SMG6: variants seen among roughly 807,000 people sequenced by gnomAD.
SMG6 encodes telomerase-binding protein EST1A.
A neutral mutation model predicts 142.2 loss-of-function variants in SMG6; 66 were observed. That is an observed-to-expected ratio of 0.46 (90% CI 0.38 to 0.57). SMG6 has a LOEUF of 0.57. Among genes scored for constraint, SMG6 ranks in the 20% least tolerant of loss-of-function variants. SMG6 has a pLI of 0.00. For synonymous variants in SMG6, 779 were observed against 702.4 expected (o/e 1.11, Z -1.72); for missense variants, 1,793 against 1,832.0 (o/e 0.98, Z 0.39).
At chr17:2,124,044 C>T (rs544405191) in intron 13 of SMG6, among the ~76,000 whole-genome samples, 168 of 152,290 alleles carry the variant, frequency 1.1e-3, no homozygotes, top group African/African-American at 4.0e-3. Flanking sequence ...CAAGGCTCCA[C>T]CCAAATCAGA....
intron 13 of SMG6, among the ~76,000 whole-genome samples, chr17:2,112,121 A>AG (rs1334864515): frequency 6.6e-6 from 1 of 151,988 alleles, no homozygotes; most frequent in African/African-American, 2.4e-5. Flanking sequence ...AGTCTTCATT[A>AG]GGCCTAACTC....
intron 10 of SMG6, among the ~76,000 whole-genome samples, chr17:2,235,428 A>G (rs2151803241): frequency 6.6e-6 from 1 of 152,258 alleles, no homozygotes; most frequent in African/African-American, 2.4e-5. Flanking sequence ...TCACTCCCCC[A>G]CCACAACCAA....
At chr17:2,264,327 C>T (rs2074376961) in intron 8 of SMG6, among the ~76,000 whole-genome samples, 1 of 152,210 alleles carries the variant, frequency 6.6e-6, no homozygotes, top group African/African-American at 2.4e-5. Flanking sequence ...CTGGAAAATT[C>T]TCTAATGCCA....
At chr17:2,288,175 G>T (rs1282833354) in intron 6 of SMG6, among the ~76,000 whole-genome samples, 1 of 152,078 alleles carries the variant, frequency 6.6e-6, no homozygotes, top group African/African-American at 2.4e-5. Context: ...TTAGCCAGGC[G>T]TGGTGGTATA....
chr17:2,065,288 G>A (rs1171441551), intron 17 of SMG6, 134 bp from the exon 18 acceptor site: 41 of 989,860 alleles, frequency 4.1e-5, no homozygotes, highest in Non-Finnish European at 4.7e-6. Context: ...CGCTGGCCCT[G>A]CCTGGCCTGA....
chr17:2,255,273 G>A (rs1030059561), intron 8 of SMG6, among the ~76,000 whole-genome samples: 23 of 150,784 alleles, frequency 1.5e-4, no homozygotes, highest in Non-Finnish European at 1.9e-4. Flanking sequence ...GCGTGGTGGC[G>A]GGCGCCTGTA....
intron 10 of SMG6, among the ~76,000 whole-genome samples, chr17:2,221,093 T>C (rs1318415725): frequency 6.6e-6 from 1 of 152,176 alleles, no homozygotes; most frequent in Non-Finnish European, 1.5e-5. Flanking sequence ...GGACTGAACT[T>C]ACGCTGTTCT....
intron 13 of SMG6, among the ~76,000 whole-genome samples, chr17:2,119,147 T>A (rs1306840877): frequency 1.3e-5 from 2 of 151,262 alleles, no homozygotes; most frequent in East Asian, 3.9e-4. Context: ...AACCTCCGTC[T>A]CCCGGGTTCA....
intron 13 of SMG6, among the ~76,000 whole-genome samples, chr17:2,129,793 CAAAAAAAAAAA>C (rs57556112): frequency 7.1e-5 from 4 of 56,332 alleles, no homozygotes; most frequent in South Asian, 6.9e-4. Context: ...GGCTCTGTCT[CAAAAAAAAAAA>C]AAAAAAAAAA....
In SMG6 at chr17:2,300,631, C is replaced by T. The variant is rs779149067; in HGVS notation, c.122G>A (p.Arg41His). The change falls in exon 2 of 19, where the codon CGC becomes CAC. Residue 41 changes from arginine to histidine, a missense_variant. Arg to His is a conservative substitution (Grantham distance 29, BLOSUM62 0). This residue lies in a region of SMG6 where 1,597 missense variants were observed against 1,584.6 expected (regional missense o/e 1.01). Transcript: ENST00000263073. ...CAGATCTGGACGCCTGTTATCTTTG[C>T]GCGGCCTGGCCTCCTTTAATTCCTT... ...NMKELKEARP[R>H]KDNRRPDLEI... 7 of 1,604,134 alleles carry T rather than the reference C, an allele frequency of 4.4e-6. No homozygotes were observed. The African/African-American group carries it at 6.8e-5, about 15-fold the overall frequency.
At chr17:2,205,311 C>T (rs980014622) in intron 10 of SMG6, among the ~76,000 whole-genome samples, 3 of 152,074 alleles carry the variant, frequency 2.0e-5, no homozygotes, top group Non-Finnish European at 4.4e-5. Flanking sequence ...TCAAGTGATC[C>T]GTCCATCTTG....
chr17:2,236,991 C>T (rs576043792), intron 9 of SMG6: 2 of 275,092 alleles, frequency 7.3e-6, no homozygotes, highest in African/African-American at 2.3e-5. Context: ...TTTCTAAATA[C>T]TCAACAAATT....
In SMG6 at chr17:2,129,793, C is replaced by CAAAAA. The variant is rs57556112; in HGVS notation, c.3357+42860_3357+42864dup. On this transcript the variant is annotated intron_variant, in intron 13 of 18. Transcript: ENST00000263073. ...TGGGTGACAGAGCAAGGCTCTGTCT[C>CAAAAA]AAAAAAAAAAAAAAAAAAAAAAAAA... Among the ~76,000 whole-genome samples the CAAAAA allele has an allele frequency of 1.9e-3, 109 of 56,326 alleles. 11 individuals carry two copies. Among genetic ancestry groups the CAAAAA allele is most frequent in the Non-Finnish European group, 2.7e-3 (81 of 30,446 alleles). 37.0% of individuals were successfully genotyped at this position (56,326 alleles called of 152,430 possible).
chr17:2,217,276 A>C lies in SMG6; in HGVS notation c.2869+19216T>G, dbSNP rs1314644247. On this transcript the variant is annotated intron_variant, in intron 10 of 18. Transcript: ENST00000263073. ...AGTATTGTGATAATTTCAGAAAACT[A>C]CAAAAATACAGAGAAAAAAGAAAAT... 3.9e-5 allele frequency among the ~76,000 whole-genome samples: 6 copies of C among 152,272 alleles called. No individual in the cohort carries two copies. The East Asian group carries it at 1.2e-3, about 29-fold the overall frequency.
intron 12 of SMG6, among the ~76,000 whole-genome samples, chr17:2,177,346 C>G (rs1215568652): frequency 6.6e-6 from 1 of 152,164 alleles, no homozygotes; most frequent in East Asian, 1.9e-4. Context: ...GGGAAGGAGT[C>G]AGGCAGGACT....
Position 2,299,701 on chromosome 17 carries a change from C to T in SMG6, c.1052G>A (p.Arg351His), listed in dbSNP as rs140472144. Residue 351 changes from arginine to histidine, a missense_variant, in exon 2 of 19, where the codon CGT (arginine) becomes CAT (histidine). Physicochemically the swap from Arg to His is conservative, Grantham distance 29 (BLOSUM62 0). Coordinates refer to ENST00000263073, the MANE Select transcript of SMG6 (RefSeq NM_017575.5). This position sits in a 1 kb window ranked among gnomAD's most constrained non-coding sequence, Gnocchi z 4.3. Reference protein sequence around the residue: ...NSAKEYRGTLRVTFDAEAMNK... With the variant: ...NSAKEYRGTLHVTFDAEAMNK... Reference sequence around the variant, plus strand: ...CATGGCTTCTGCATCGAAAGTGACACGAAGAGTGCCTCGATATTCTTTAGC... The same window carrying T: ...CATGGCTTCTGCATCGAAAGTGACATGAAGAGTGCCTCGATATTCTTTAGC... 5.5e-5 allele frequency: 88 copies of T among 1,614,200 alleles called. No individual in the cohort carries two copies. The highest frequency in any genetic ancestry group is 1.6e-4 in the Middle Eastern group (1 of 6,062).
chr17:2,189,455 C>T (rs187079927), intron 10 of SMG6, among the ~76,000 whole-genome samples: 80 of 152,322 alleles, frequency 5.3e-4, no homozygotes, highest in Non-Finnish European at 7.9e-4. Flanking sequence ...GAGGAGGAGA[C>T]ACCACATACC....
chr17:2,149,349 C>CAAAAA (rs1178295829), intron 13 of SMG6, among the ~76,000 whole-genome samples: 12 of 71,092 alleles, frequency 1.7e-4, no homozygotes, highest in African/African-American at 4.5e-4. Context: ...GATTCCCCCT[C>CAAAAA]AAAAAAAAAA....
intron 13 of SMG6, 92 bp downstream of exon 13, chr17:2,172,566 T>C: frequency 7.5e-7 from 1 of 1,334,562 alleles, no homozygotes; most frequent in Non-Finnish European, 1.1e-6. Flanking sequence ...CTTAATCATG[T>C]TCCATTTGCA....
Sources: allele counts gnomAD v4.1 joint callset (sites outside exome capture counted in the v4.1 genomes callset), GRCh38; gene constraint gnomAD v4.1.1; regional missense constraint gnomAD v4.1.1; non-coding constraint Gnocchi (gnomAD v3.1); transcripts MANE v1.5; gene names NCBI Gene and HGNC (gene_info 2026-07-23, HGNC 2026-07-21).